The following DOK5 variants were observed in gnomAD, a reference collection of about 807,000 sequenced individuals.
DOK5 encodes docking protein 5.
A neutral mutation model predicts 43.3 loss-of-function variants in DOK5; 27 were observed. The observed-to-expected ratio is 0.62, with a 90% confidence interval of 0.46 to 0.86. The LOEUF (loss-of-function observed/expected upper bound fraction) is 0.86. Ranked by LOEUF, DOK5 falls within the 40% of genes least tolerant of loss-of-function variation. The probability of loss-of-function intolerance (pLI) is 0.00; values close to 1 mark genes in which losing one functional copy is unlikely to be tolerated. For synonymous variants in DOK5, 146 were observed against 140.1 expected, an observed-to-expected ratio of 1.04 and a Z score of -0.30; for missense variants, 373 against 392.9, an observed-to-expected ratio of 0.95 and a Z score of 0.43.
intron 1 of DOK5, among the ~76,000 whole-genome samples, chr20:54,537,227 C>A (rs1983989586): frequency 6.6e-6 from 1 of 152,156 alleles, no homozygotes. Flanking sequence ...ACTTTCCTAC[C>A]CCTTCTCCTG....
At chr20:54,584,493 CTTTT>C (rs913321512) in intron 2 of DOK5, among the ~76,000 whole-genome samples, 4 of 151,498 alleles carry the variant, frequency 2.6e-5, no homozygotes, top group Admixed American at 2.6e-4. Context: ...CAAATTTCAT[CTTTT>C]TATTATGTAT....
At chr20:54,532,607 C>T (rs968814751) in intron 1 of DOK5, among the ~76,000 whole-genome samples, 5 of 152,152 alleles carry the variant, frequency 3.3e-5, no homozygotes, top group Non-Finnish European at 5.9e-5. Flanking sequence ...TTGTAGGTTG[C>T]CTGCAGACTC....
At position 54,591,742 on chromosome 20, in the gene DOK5, G is replaced by C. The variant is rs777375352; in HGVS notation, c.536G>C (p.Trp179Ser). Residue 179 changes from tryptophan to serine, a missense_variant, in exon 5 of 8, where the codon TGG (tryptophan) becomes TCG (serine). By Grantham distance (177) the Trp-to-Ser change is radical. Transcript: ENST00000262593. ...AATCCCAGAGTCAAACTCATCTCTTGGCCGCTAAGCGCCCTGCGGCGGTAT... is the reference window on the plus strand; with the variant it reads ...AATCCCAGAGTCAAACTCATCTCTTCGCCGCTAAGCGCCCTGCGGCGGTAT... ...VQNPRVKLIS[W>S]PLSALRRYGR... 1 of 1,614,206 alleles carries C rather than the reference G, an allele frequency of 6.2e-7. No homozygotes were observed. The highest frequency in any genetic ancestry group is 1.7e-5 in the Admixed American group (1 of 60,018).
At chr20:54,575,555 C>T (rs1336420083) in intron 2 of DOK5, among the ~76,000 whole-genome samples, 1 of 152,152 alleles carries the variant, frequency 6.6e-6, no homozygotes, top group Non-Finnish European at 1.5e-5. Context: ...ATTATCCTGC[C>T]TCAGCCTCCT....
At chr20:54,486,295 A>G (rs1417608277) in intron 1 of DOK5, among the ~76,000 whole-genome samples, 1 of 150,748 alleles carries the variant, frequency 6.6e-6, no homozygotes, top group African/African-American at 2.5e-5. Context: ...ATTCTGTTCC[A>G]TTGTTCTATA....
At chr20:54,479,278 C>T (rs1001157636) in intron 1 of DOK5, among the ~76,000 whole-genome samples, 1 of 152,146 alleles carries the variant, frequency 6.6e-6, no homozygotes, top group African/African-American at 2.4e-5. Flanking sequence ...TCAGTATCTT[C>T]ACATCTGTAT....
chr20:54,586,020 AG>A (rs1388666938), intron 2 of DOK5, among the ~76,000 whole-genome samples: 1 of 152,174 alleles, frequency 6.6e-6, no homozygotes, highest in Non-Finnish European at 1.5e-5. Flanking sequence ...GCTACTCGGG[AG>A]GCTGAAGCAG....
chr20:54,540,172 C>G (rs1024595623), intron 1 of DOK5, among the ~76,000 whole-genome samples: 1 of 151,822 alleles, frequency 6.6e-6, no homozygotes, highest in Non-Finnish European at 1.5e-5. Context: ...TACAAAAATA[C>G]CTATTGGGTG....
rs1480882656 is a variant in DOK5 at position 54,643,598 on chromosome 20, T to C, written c.856+20T>C. 3.1e-6 allele frequency: 5 copies of C among 1,608,254 alleles called. No individual in the cohort carries two copies. The highest frequency in any genetic ancestry group is 4.2e-6 in the Non-Finnish European group (5 of 1,178,348). ...TGCAAGGTAAGCGTGGGGCTACCTG[T>C]GTCCAGGGTGTGGGCCAGGCCTGGG... On this transcript the variant is annotated intron_variant, in intron 7 of 7. Coordinates refer to ENST00000262593, the MANE Select transcript of DOK5 (RefSeq NM_018431.5).
intron 5 of DOK5, among the ~76,000 whole-genome samples, chr20:54,610,027 C>T (rs999837030): frequency 6.6e-6 from 1 of 152,162 alleles, no homozygotes; most frequent in Non-Finnish European, 1.5e-5. Context: ...ACAGACTGTA[C>T]AAAGGAATAC....
chr20:54,622,208 TA>T (rs373289238), intron 6 of DOK5, among the ~76,000 whole-genome samples: 9 of 147,828 alleles, frequency 6.1e-5, no homozygotes, highest in East Asian at 2.0e-4. Flanking sequence ...AAAGAAAAAA[TA>T]AAAAAAATAA....
In DOK5 at chr20:54,619,029, A is replaced by T. The variant is rs1413288990; in HGVS notation, c.735+8506A>T. ...AAGACCTTGTTTCAATAAATTATATATATATATATATATATATATATATAT... is the reference window on the plus strand; with the variant it reads ...AAGACCTTGTTTCAATAAATTATATTTATATATATATATATATATATATAT... On this transcript the variant is annotated intron_variant, in intron 6 of 7. Transcript: ENST00000262593. Among the ~76,000 whole-genome samples, 5 of 32,178 alleles carry T rather than the reference A, an allele frequency of 1.6e-4. 1 individual carries two copies. Among genetic ancestry groups the T allele is most frequent in the African/African-American group, 8.5e-4 (4 of 4,706 alleles). The allele number at this position is 32,178 out of a possible 152,430, so 21.1% of individuals were successfully genotyped here. A position where few individuals can be genotyped will look rare whatever the true frequency, so the allele number is the denominator to read the frequency against.
chr20:54,562,401 T>A (rs755601206), intron 2 of DOK5, among the ~76,000 whole-genome samples: 37 of 152,274 alleles, frequency 2.4e-4, no homozygotes, highest in Non-Finnish European at 5.0e-4. Flanking sequence ...GATAATGACA[T>A]CATATTTTAA....
intron 6 of DOK5, among the ~76,000 whole-genome samples, chr20:54,625,979 C>T (rs914937926): frequency 5.9e-5 from 9 of 152,176 alleles, no homozygotes; most frequent in South Asian, 4.1e-4. Flanking sequence ...GGAAGGAGAA[C>T]GCTGCTGCGA....
intron 1 of DOK5, among the ~76,000 whole-genome samples, chr20:54,534,332 C>T (rs769139023): frequency 4.6e-5 from 7 of 152,078 alleles, no homozygotes; most frequent in Middle Eastern, 3.2e-3. Flanking sequence ...AGACTACAGG[C>T]GCACGCCACC....
intron 1 of DOK5, among the ~76,000 whole-genome samples, chr20:54,538,373 A>G (rs1051846114): frequency 9.2e-5 from 14 of 152,164 alleles, no homozygotes; most frequent in African/African-American, 2.9e-4. Flanking sequence ...CCTAGCAAAA[A>G]TGTCCTTCAG....
intron 1 of DOK5, among the ~76,000 whole-genome samples, chr20:54,496,560 G>A (rs886067529): frequency 2.0e-5 from 3 of 152,100 alleles, no homozygotes; most frequent in Non-Finnish European, 2.9e-5. Flanking sequence ...GAGGTCAGGA[G>A]ATCGAGACCA....
chr20:54,630,631 A>G (rs746863910), intron 6 of DOK5, among the ~76,000 whole-genome samples: 16 of 152,224 alleles, frequency 1.1e-4, no homozygotes, highest in Non-Finnish European at 1.9e-4. Flanking sequence ...GTTTAGATTA[A>G]TAATTCCCTT....
At chr20:54,629,624 A>G (rs1286510073) in intron 6 of DOK5, among the ~76,000 whole-genome samples, 2 of 152,266 alleles carry the variant, frequency 1.3e-5, no homozygotes, top group African/African-American at 2.4e-5. Flanking sequence ...GCAGGAGTAC[A>G]ACAGAGAACA....
Sources: gnomAD v4.1 joint callset for allele counts (sites outside exome capture counted in the v4.1 genomes callset) on GRCh38, gnomAD v4.1.1 for gene constraint, MANE v1.5 for transcripts, NCBI Gene and HGNC (gene_info 2026-07-23, HGNC 2026-07-21) for gene names.